The following TG variants were observed in gnomAD, a reference collection of about 807,000 sequenced individuals.
TG encodes thyroid hormones.
TG carries 270 observed loss-of-function variants against 324.7 expected under a neutral mutation model. The ratio of observed to expected loss-of-function variants is 0.83; its 90% CI spans 0.75 to 0.92. TG has a LOEUF of 0.92. Among genes scored for constraint, TG ranks in the 40% least tolerant of loss-of-function variants. TG has a pLI of 0.00. For missense variants in TG, 3,591 were observed against 3,456.4 expected, an observed-to-expected ratio of 1.04 and a Z score of -0.98; for synonymous variants, 1,401 against 1,327.0, an observed-to-expected ratio of 1.06 and a Z score of -1.21.
intron 25 of TG, among the ~76,000 whole-genome samples, chr8:132,937,762 ATT>A (rs35644874): frequency 6.6e-6 from 1 of 150,900 alleles, no homozygotes; most frequent in Non-Finnish European, 1.5e-5. Context: ...TTAAGTGTTT[ATT>A]TTTTTTTTCA....
chr8:132,991,841 A>C (rs138956912), intron 35 of TG, among the ~76,000 whole-genome samples: 1 of 152,142 alleles, frequency 6.6e-6, no homozygotes, highest in Admixed American at 6.5e-5. Context: ...ACAGCCTCAC[A>C]TCTGGCAGCC....
At chr8:133,082,573 G>A (rs559290400) in intron 41 of TG, among the ~76,000 whole-genome samples, 6 of 152,290 alleles carry the variant, frequency 3.9e-5, no homozygotes, top group South Asian at 4.1e-4. Flanking sequence ...TGGAAACAGC[G>A]GCTGGACATT....
intron 41 of TG, among the ~76,000 whole-genome samples, chr8:133,081,378 A>G (rs1177392418): frequency 6.6e-6 from 1 of 152,260 alleles, no homozygotes; most frequent in African/African-American, 2.4e-5. Flanking sequence ...TGGGGAAGAC[A>G]ATAAGCTAAC....
At chr8:133,088,094 G>A (rs1846896010) in intron 41 of TG, among the ~76,000 whole-genome samples, 3 of 152,208 alleles carry the variant, frequency 2.0e-5, no homozygotes, top group Admixed American at 2.0e-4. Context: ...AGAGGCGAGA[G>A]CTCTGTCTTA....
rs185376387 is a variant in TG at position 133,039,131 on chromosome 8, A to G, written c.7239+9108A>G. Among the ~76,000 whole-genome samples the G allele has an allele frequency of 3.9e-5, 6 of 152,282 alleles. No individual in the cohort carries two copies. The East Asian group carries it at 5.8e-4, about 15-fold the overall frequency. The stretch of plus-strand genomic sequence containing the variant: ...TGACCTTAGGTGATCTGCCCACCTC[A>G]GCCTCCCAAAGTGCTGGGGTTACAG... On this transcript the variant is annotated intron_variant, in intron 41 of 47. Coordinates refer to ENST00000220616, the MANE Select transcript of TG (RefSeq NM_003235.5).
intron 20 of TG, among the ~76,000 whole-genome samples, 174 bp from the exon 21 acceptor site, chr8:132,919,202 A>G (rs999784374): frequency 6.6e-6 from 1 of 152,154 alleles, no homozygotes. Flanking sequence ...TGACTTCTTC[A>G]CAGCTGCTTC....
intron 39 of TG, among the ~76,000 whole-genome samples, chr8:133,021,520 A>T (rs998869025): frequency 6.6e-6 from 1 of 152,238 alleles, no homozygotes; most frequent in African/African-American, 2.4e-5. Context: ...ATAGTTGCTC[A>T]GGCTGCCATA....
intron 41 of TG, chr8:133,059,245 C>A: frequency 4.8e-6 from 2 of 420,436 alleles, no homozygotes. Flanking sequence ...AGGTGGGAAG[C>A]AGAAGTGTTC....
chr8:132,957,326 C>G (rs1192008590), intron 27 of TG, among the ~76,000 whole-genome samples: 1 of 152,118 alleles, frequency 6.6e-6, no homozygotes, highest in Non-Finnish European at 1.5e-5. Context: ...CTTAAGACAG[C>G]ATATTTCCCA....
intron 43 of TG, among the ~76,000 whole-genome samples, chr8:133,112,718 T>A (rs1281499596): frequency 6.6e-6 from 1 of 152,180 alleles, no homozygotes; most frequent in Non-Finnish European, 1.5e-5. Context: ...TTCCTGGCCA[T>A]CCTATATAAA....
intron 41 of TG, among the ~76,000 whole-genome samples, chr8:133,081,603 C>T (rs1437499790): frequency 1.3e-5 from 2 of 152,130 alleles, no homozygotes; most frequent in East Asian, 1.9e-4. Context: ...AAAAAGTAGC[C>T]GCTTTATGTC....
rs754769965 is a variant in TG at position 133,134,668 on chromosome 8, T to A, written c.8189-8T>A. On this transcript the variant is annotated splice_polypyrimidine_tract_variant and splice_region_variant and intron_variant, in intron 47 of 47. Coordinates refer to ENST00000220616, the MANE Select transcript of TG (RefSeq NM_003235.5). ...CTTGGACCAACCTTCCTTGCCCCTCTGTTTCAGATGGAGCCAAGGGCGGGC... is the reference window on the plus strand; with the variant it reads ...CTTGGACCAACCTTCCTTGCCCCTCAGTTTCAGATGGAGCCAAGGGCGGGC... The A allele has an allele frequency of 6.2e-7, 1 of 1,613,520 alleles. No homozygotes were observed. The highest frequency in any genetic ancestry group is 1.1e-5 in the South Asian group (1 of 91,066).
chr8:133,104,852 G>A (rs528470261), intron 43 of TG, among the ~76,000 whole-genome samples: 28 of 152,118 alleles, frequency 1.8e-4, no homozygotes, highest in Non-Finnish European at 4.1e-4. Flanking sequence ...GGATGCAAAC[G>A]GCCACCCAGG....
chr8:133,121,539 ATTC>A (rs1205643806), intron 45 of TG, among the ~76,000 whole-genome samples: 1 of 152,190 alleles, frequency 6.6e-6, no homozygotes, highest in Non-Finnish European at 1.5e-5. Flanking sequence ...CGGTATTGCT[ATTC>A]TTATGGAGGC....
intron 41 of TG, chr8:133,038,392 C>T: frequency 1.4e-6 from 1 of 710,002 alleles, no homozygotes; most frequent in Non-Finnish European, 2.5e-6. Context: ...ATTTGAGTCT[C>T]CATGTGGCTT....
intron 34 of TG, among the ~76,000 whole-genome samples, chr8:132,980,590 A>G (rs1362044222): frequency 6.6e-6 from 1 of 152,164 alleles, no homozygotes; most frequent in Non-Finnish European, 1.5e-5. Context: ...GATCCCAAGG[A>G]GGAGGTCATG....
chr8:132,923,554 A>T (rs187173566), intron 22 of TG, 46 bp downstream of exon 22: 22 of 1,589,476 alleles, frequency 1.4e-5, no homozygotes, highest in Non-Finnish European at 1.8e-5. Context: ...GGGACTGGGG[A>T]GTAGTCTCAA....
chr8:132,913,362 G>C, intron 20 of TG, 97 bp downstream of exon 20: 1 of 1,274,234 alleles, frequency 7.8e-7, no homozygotes, highest in Non-Finnish European at 1.1e-6. Flanking sequence ...TGGACATCCA[G>C]GGCTGAGAAC....
At chr8:132,918,108 G>C (rs1449185165) in intron 20 of TG, among the ~76,000 whole-genome samples, 6 of 152,004 alleles carry the variant, frequency 3.9e-5, no homozygotes, top group Admixed American at 3.9e-4. Flanking sequence ...ACTTAGAAAC[G>C]TGCTCTTTTG....
Sources: gnomAD v4.1 joint callset for allele counts (sites outside exome capture counted in the v4.1 genomes callset) on GRCh38, gnomAD v4.1.1 for gene constraint, MANE v1.5 for transcripts, NCBI Gene and HGNC (gene_info 2026-07-23, HGNC 2026-07-21) for gene names.